Variants in FASTKD5 observed in about 807,000 individuals in gnomAD.
FASTKD5 encodes the protein FAST kinase domains 5.
FASTKD5 carries 30 observed loss-of-function variants against 44.0 expected under a neutral mutation model. The observed-to-expected ratio is 0.68, with a 90% CI of 0.51 to 0.93. The LOEUF is 0.93. Among genes scored for constraint, FASTKD5 ranks in the 40% least tolerant of loss-of-function variants. FASTKD5 has a pLI of 0.00. For missense variants in FASTKD5, 868 were observed against 908.2 expected (o/e 0.96, Z 0.57); for synonymous variants, 335 against 342.2 (o/e 0.98, Z 0.23).
chr20:3,153,742 T>C (rs1324518427), intron 1 of FASTKD5, among the ~76,000 whole-genome samples: 1 of 152,252 alleles, frequency 6.6e-6, no homozygotes, highest in Non-Finnish European at 1.5e-5. Context: ...CTACGGTTTA[T>C]ACTGCAAGTT....
chr20:3,156,648 T>G (rs961017584), intron 1 of FASTKD5: 2 of 152,426 alleles, frequency 1.3e-5, no homozygotes, highest in Admixed American at 1.3e-4. Flanking sequence ...CAAACCTCCC[T>G]GAATGATGTG....
Position 3,148,087 on chromosome 20 carries a change from T to C in FASTKD5, c.984A>G (p.Ser328=), listed in dbSNP as rs756194680. The C allele has an allele frequency of 6.2e-7, 1 of 1,614,142 alleles. No homozygotes were observed. ...VGTICLGFFK[S]STNLSEFVMR... ...TGACAAATTCAGAGAGATTAGTACT[T>C]GATTTAAAGAACCCCAAACAGATGG... Residue 328 remains serine, a synonymous_variant, in exon 2 of 2, where the codon TCA becomes TCG. Transcript: ENST00000380266.
intron 1 of FASTKD5, among the ~76,000 whole-genome samples, chr20:3,153,068 CTAATAT>C (rs2066648233): frequency 6.6e-6 from 1 of 152,116 alleles, no homozygotes; most frequent in South Asian, 2.1e-4. Flanking sequence ...AAAGTACACA[CTAATAT>C]TGAGTGGAAC....
rs1600407387 is a variant in FASTKD5 at position 3,146,803 on chromosome 20, A to G, written c.2268T>C (p.His756=). 1 of 1,614,130 alleles carries G rather than the reference A, an allele frequency of 6.2e-7. No individual in the cohort carries two copies. Among genetic ancestry groups the G allele is most frequent in the African/African-American group, 1.3e-5 (1 of 75,060 alleles). ...RTRLEKLAFL[H]EKVFTSAL The stretch of plus-strand genomic sequence containing the variant: ...AGAGAGCAGAGGTGAATACTTTCTC[A>G]TGAAGAAACGCCAACTTTTCTAAGC... Residue 756 remains histidine, a synonymous_variant, in exon 2 of 2, where the codon CAT becomes CAC. Transcript: ENST00000380266.
At chr20:3,156,277 G>GT (rs1430018808) in intron 1 of FASTKD5, among the ~76,000 whole-genome samples, 2 of 150,092 alleles carry the variant, frequency 1.3e-5, no homozygotes, top group Admixed American at 6.8e-5. Context: ...CCGGGTTTAA[G>GT]TAATTCTCCT....
Position 3,156,171 on chromosome 20 carries a change from C to T in FASTKD5, c.-191+3595G>A, listed in dbSNP as rs116206743. Among the ~76,000 whole-genome samples, 589 of 146,920 alleles carry T rather than the reference C, an allele frequency of 4.0e-3. 2 individuals carry two copies. The highest frequency in any genetic ancestry group is 0.014 in the African/African-American group (555 of 39,600). ...AGATGCTCAGTCAATTAACTTCTGA[C>T]TCTTTTTTTTTTTTTTTTTTTTGAG... On this transcript the variant is annotated intron_variant, in intron 1 of 1. Coordinates refer to ENST00000380266, the MANE Select transcript of FASTKD5 (RefSeq NM_021826.5).
rs748151290 is a variant in FASTKD5 at position 3,146,842 on chromosome 20, T to C, written c.2229A>G (p.Leu743=). The change falls in exon 2 of 2, where the codon CTA becomes CTG. Residue 743 remains leucine (L), a synonymous_variant. Coordinates refer to ENST00000380266, the MANE Select transcript of FASTKD5 (RefSeq NM_021826.5). ...ACTTTTCTAAGCGAGTTCGTTTCAGTAGTGGGAGCCATTCCCAGTAGGATA... is the reference window on the plus strand; with the variant it reads ...ACTTTTCTAAGCGAGTTCGTTTCAGCAGTGGGAGCCATTCCCAGTAGGATA... ...VELSYWEWLP[L]LKRTRLEKLA... The C allele has an allele frequency of 1.1e-5, 18 of 1,614,082 alleles. No homozygotes were observed. Among genetic ancestry groups the C allele is most frequent in the Non-Finnish European group, 1.4e-5 (16 of 1,180,030 alleles).
chr20:3,148,472 A>C lies in FASTKD5; in HGVS notation c.599T>G (p.Leu200Arg), dbSNP rs541576078. 3.1e-6 allele frequency: 5 copies of C among 1,614,176 alleles called. No individual in the cohort carries two copies. In the South Asian group the frequency reaches 5.5e-5, roughly 18 times the overall value. Residue 200 changes from leucine (L) to arginine (R), a missense_variant, in exon 2 of 2, where the codon CTC becomes CGC. Transcript: ENST00000380266. ...LCQLSVKKIQ[L>R]FDTQDLINVL... ...ATTGATCAGATCTTGGGTATCAAAG[A>C]GCTGTATCTTCTTCACACTCAGCTG...
At chr20:3,154,046 C>T (rs1258126312) in intron 1 of FASTKD5, among the ~76,000 whole-genome samples, 1 of 152,118 alleles carries the variant, frequency 6.6e-6, no homozygotes, top group African/African-American at 2.4e-5. Flanking sequence ...GCAAAGAGTT[C>T]GCAGGATGCT....
rs115011076 is a variant in FASTKD5, at chr20:3,147,595, G to A, written c.1476C>T (p.Phe492=). 2.4e-5 allele frequency: 39 copies of A among 1,614,188 alleles called. No individual in the cohort carries two copies. The highest frequency in any genetic ancestry group is 3.3e-5 in the South Asian group (3 of 91,082). The change falls in exon 2 of 2, where the codon TTC becomes TTT. Residue 492 remains phenylalanine, a synonymous_variant. Coordinates refer to ENST00000380266, the MANE Select transcript of FASTKD5 (RefSeq NM_021826.5). The part of the protein sequence containing the change: ...LEYFPVELID[F]ALSPGFVRLA... ...ACCTGACAAACCCTGGACTGAGAGC[G>A]AAATCAATTAACTCTACTGGAAAGT...
rs1370543893 is a variant in FASTKD5, at chr20:3,149,257, GA to G, written c.-188del. The G allele has an allele frequency of 1.7e-6, 1 of 591,684 alleles. No individual in the cohort carries two copies. Among genetic ancestry groups the G allele is most frequent in the Non-Finnish European group, 2.9e-6 (1 of 340,618 alleles). The allele number at this position is 591,684 out of a possible 1,614,324, so 36.7% of individuals were successfully genotyped here. ...AATGACTGGGTCAGAATTGGTGCCA[GA>G]TACTGAAAAAAGGGTAGATGAAGAA... On this transcript the variant is annotated splice_region_variant and 5_prime_UTR_variant, in exon 2 of 2. Transcript: ENST00000380266. This position sits in a 1 kb window ranked among gnomAD's most constrained non-coding sequence, Gnocchi z 4.1.
chr20:3,151,973 C>T (rs2066630137), intron 1 of FASTKD5: 1 of 151,062 alleles, frequency 6.6e-6, no homozygotes, highest in Non-Finnish European at 1.5e-5. Flanking sequence ...GGTGTGGTGG[C>T]ATGAGCGTGT....
chr20:3,154,068 G>GT (rs1277892869), intron 1 of FASTKD5, among the ~76,000 whole-genome samples: 1 of 152,178 alleles, frequency 6.6e-6, no homozygotes, highest in Admixed American at 6.5e-5. Context: ...CAGGATCAAA[G>GT]TAAGGAGAGC....
At position 3,146,855 on chromosome 20, in the gene FASTKD5, TCCCAGTAGGATAA is replaced by T. The variant is rs781054935; in HGVS notation, c.2203_2215del (p.Leu735AsnfsTer6). 6.2e-7 allele frequency: 1 copy of T among 1,614,160 alleles called. No individual in the cohort carries two copies. The highest frequency in any genetic ancestry group is 1.7e-5 in the Admixed American group (1 of 60,030). ...AGTTCGTTTCAGTAGTGGGAGCCAT[TCCCAGTAGGATAA>T]CTCTACCACACGGTAGCCAAGCCGA... On this transcript the variant is annotated frameshift_variant, in exon 2 of 2. Coordinates refer to ENST00000380266, the MANE Select transcript of FASTKD5 (RefSeq NM_021826.5). LOFTEE classifies it high-confidence loss of function.
chr20:3,159,635 A>C (rs2066725513), intron 1 of FASTKD5, 131 bp downstream of exon 1: 1 of 152,312 alleles, frequency 6.6e-6, no homozygotes, highest in African/African-American at 2.4e-5. Context: ...CCAGGCCAAG[A>C]GCTGAACAAG....
intron 1 of FASTKD5, among the ~76,000 whole-genome samples, chr20:3,153,820 A>G (rs1345378019): frequency 1.3e-5 from 2 of 152,174 alleles, no homozygotes; most frequent in Admixed American, 1.3e-4. Context: ...CAGTTTTTGG[A>G]CTATGTGCTT....
Position 3,148,329 on chromosome 20 carries a change from C to A in FASTKD5, c.742G>T (p.Ala248Ser). The change falls in exon 2 of 2, where the codon GCT becomes TCT. Residue 248 changes from alanine (A) to serine (S), a missense_variant. Ala to Ser is a moderately conservative substitution (Grantham distance 99). Coordinates refer to ENST00000380266, the MANE Select transcript of FASTKD5 (RefSeq NM_021826.5). ...CGGCCTAAGTACCTCCAGAGATCAG[C>A]CACCAAAAGGAGCTGATCCATATTC... Reference protein sequence around the residue: ...EMNMDQLLLVADLWRYLGRKV... With the variant: ...EMNMDQLLLVSDLWRYLGRKV... The A allele has an allele frequency of 6.2e-7, 1 of 1,613,972 alleles. No homozygotes were observed. Among genetic ancestry groups the A allele is most frequent in the African/African-American group, 1.3e-5 (1 of 75,046 alleles).
At chr20:3,151,979 C>A (rs889192277) in intron 1 of FASTKD5, 1 of 151,066 alleles carries the variant, frequency 6.6e-6, no homozygotes, top group Admixed American at 6.6e-5. Flanking sequence ...GTGGCATGAG[C>A]GTGTAATCCC....
intron 1 of FASTKD5, among the ~76,000 whole-genome samples, chr20:3,159,436 G>A (rs1424701989): frequency 6.6e-6 from 1 of 152,230 alleles, no homozygotes; most frequent in African/African-American, 2.4e-5. Flanking sequence ...AGTGTGATGA[G>A]AGGCGCGGCA....
Sources: gnomAD v4.1 joint callset for allele counts (sites outside exome capture counted in the v4.1 genomes callset) on GRCh38, gnomAD v4.1.1 for gene constraint, Gnocchi (gnomAD v3.1) non-coding constraint, MANE v1.5 for transcripts, NCBI Gene and HGNC (gene_info 2026-07-23, HGNC 2026-07-21) for gene names.